Variants in SERPINB9 observed in about 807,000 individuals in gnomAD.
The protein encoded by SERPINB9 is serpin family B member 9.
In SERPINB9, 20 loss-of-function variants were observed where a neutral mutation model predicts 27.2. The observed-to-expected ratio is 0.74, with a 90% CI of 0.52 to 1.07. The LOEUF is 1.07. Among genes scored for constraint, SERPINB9 ranks in the 50% least tolerant of loss-of-function variants. The pLI, the probability that SERPINB9 is intolerant of heterozygous loss-of-function variation, is 0.00. For missense variants in SERPINB9, 476 were observed against 460.1 expected (o/e 1.03, Z -0.32); for synonymous variants, 189 against 180.0 (o/e 1.05, Z -0.40).
chr6:2,902,399 A>G (rs1207544813), intron 1 of SERPINB9, among the ~76,000 whole-genome samples: 1 of 151,832 alleles, frequency 6.6e-6, no homozygotes, highest in Admixed American at 6.6e-5. Context: ...GCAGATTCTC[A>G]GGACCCCATT....
chr6:2,892,784 A>G lies in SERPINB9; in HGVS notation c.567+627T>C, dbSNP rs1358794989. 3.3e-5 allele frequency among the ~76,000 whole-genome samples: 5 copies of G among 152,146 alleles called. No homozygotes were observed. The South Asian group carries it at 6.2e-4, about 19-fold the overall frequency. On this transcript the variant is annotated intron_variant, in intron 5 of 6. Transcript: ENST00000380698. ...TTTTGTTTTTTAATTACATTAAAAT[A>G]GTATCTTTTTAGGGGCTGGAAGATT...
At chr6:2,892,090 T>C in intron 5 of SERPINB9, 102 bp from the exon 6 acceptor site, 1 of 501,400 alleles carries the variant, frequency 2.0e-6, no homozygotes, top group South Asian at 1.8e-5. Flanking sequence ...GCCACATTCA[T>C]GCCCCAGTTA....
At chr6:2,892,615 A>C (rs1767849233) in intron 5 of SERPINB9, among the ~76,000 whole-genome samples, 1 of 152,206 alleles carries the variant, frequency 6.6e-6, no homozygotes, top group African/African-American at 2.4e-5. Flanking sequence ...ATACTTTAAA[A>C]AATTGATACA....
At chr6:2,900,349 C>T (rs1768154593) in intron 2 of SERPINB9, 95 bp downstream of exon 2, 1 of 1,479,920 alleles carries the variant, frequency 6.8e-7, no homozygotes, top group Admixed American at 2.0e-5. Context: ...CAGTCCTGCC[C>T]TCCTTTCTCA....
At chr6:2,893,338 C>T (rs1037905824) in intron 5 of SERPINB9, 73 bp downstream of exon 5, 7 of 1,481,438 alleles carry the variant, frequency 4.7e-6, no homozygotes, top group Non-Finnish European at 4.6e-6. Flanking sequence ...ATGTCACTTA[C>T]ACTTTTACAA....
At chr6:2,893,053 CTTTTTTT>C (rs5873846) in intron 5 of SERPINB9, among the ~76,000 whole-genome samples, 3 of 113,536 alleles carry the variant, frequency 2.6e-5, no homozygotes, top group African/African-American at 6.5e-5. Context: ...TACCTTAACA[CTTTTTTT>C]TTTTTTTTTT....
chr6:2,887,403 C>T lies in SERPINB9; in HGVS notation c.*2760G>A, dbSNP rs906368640. On this transcript the variant is annotated 3_prime_UTR_variant, in exon 7 of 7. Coordinates refer to ENST00000380698, the MANE Select transcript of SERPINB9 (RefSeq NM_004155.6). ...GGCAAAGACATATGTAAAAACGAAG[C>T]AGAAAAGTAGGTGTATGAATGACAA... is the stretch of plus-strand genomic sequence containing the variant. The T allele has an allele frequency of 1.3e-5, 2 of 152,020 alleles. No homozygotes were observed. The highest frequency in any genetic ancestry group is 4.8e-5 in the African/African-American group (2 of 41,372). The allele number at this position is 152,020 out of a possible 1,614,324, so 9.4% of individuals were successfully genotyped here.
In SERPINB9 at chr6:2,894,939, G is replaced by A. The variant is rs1308952099; in HGVS notation, c.424+452C>T. Among the ~76,000 whole-genome samples the A allele has an allele frequency of 7.2e-6, 1 of 138,360 alleles. No homozygotes were observed. The highest frequency in any genetic ancestry group is 2.7e-5 in the African/African-American group (1 of 36,408). 90.8% of individuals were successfully genotyped at this position (138,360 alleles called of 152,430 possible). A position where few individuals can be genotyped will look rare whatever the true frequency, so the allele number is the denominator to read the frequency against. On this transcript the variant is annotated intron_variant, in intron 4 of 6. Transcript: ENST00000380698. The surrounding 1 kb of genome is among the most constrained non-coding windows in gnomAD (Gnocchi z 4.7). ...TTTGTATTTTTAGTAGAGATGTTGG[G>A]CGGGGGGGGGTCCCACCATGTTGGT...
At position 2,891,705 on chromosome 6, in the gene SERPINB9, C is replaced by T; in HGVS notation, c.723+128G>A. The T allele has an allele frequency of 9.1e-7, 1 of 1,093,080 alleles. No homozygotes were observed. Among genetic ancestry groups the T allele is most frequent in the Non-Finnish European group, 1.3e-6 (1 of 787,288 alleles). 67.7% of individuals were successfully genotyped at this position (1,093,080 alleles called of 1,614,324 possible). A position where few individuals can be genotyped will look rare whatever the true frequency, so the allele number is the denominator to read the frequency against. ...GCCTTGAACAAAAGTTCGATCCCAA[C>T]GCCAAGTGCCTGCACAGTGTGCGTC... On this transcript the variant is annotated intron_variant, in intron 6 of 6. Coordinates refer to ENST00000380698, the MANE Select transcript of SERPINB9 (RefSeq NM_004155.6). This position sits in a 1 kb window ranked among gnomAD's most constrained non-coding sequence, Gnocchi z 4.0.
At position 2,902,359 on chromosome 6, in the gene SERPINB9, G is replaced by C. The variant is rs766681407; in HGVS notation, c.-11+842C>G. ...TGCTGGTGGTCCCCACAGACCGCAG[G>C]CTCTGCAGGCGAGCGCTGAGCCTGG... On this transcript the variant is annotated intron_variant, in intron 1 of 6. Coordinates refer to ENST00000380698, the MANE Select transcript of SERPINB9 (RefSeq NM_004155.6). Among the ~76,000 whole-genome samples, 12 of 152,336 alleles carry C rather than the reference G, an allele frequency of 7.9e-5. 1 individual carries two copies. In the Middle Eastern group the frequency reaches 0.01, roughly 130 times the overall value.
rs988492489 is a variant in SERPINB9 at position 2,894,192 on chromosome 6, G to A, written c.425-639C>T. Among the ~76,000 whole-genome samples the A allele has an allele frequency of 1.3e-5, 2 of 152,148 alleles. No individual in the cohort carries two copies. Among genetic ancestry groups the A allele is most frequent in the African/African-American group, 4.8e-5 (2 of 41,420 alleles). ...CCACTGCCTGAAGAGAGCATCCGTG[G>A]TAAATACTCCAAGCAGGAATGCGGG... On this transcript the variant is annotated intron_variant, in intron 4 of 6. Transcript: ENST00000380698. The surrounding 1 kb of genome is among the most constrained non-coding windows in gnomAD (Gnocchi z 4.7).
rs1234747089 is a variant in SERPINB9 at position 2,891,028 on chromosome 6, A to G, written c.724-458T>C. 1.3e-5 allele frequency among the ~76,000 whole-genome samples: 2 copies of G among 152,230 alleles called. No homozygotes were observed. The highest frequency in any genetic ancestry group is 2.9e-5 in the Non-Finnish European group (2 of 68,036). The stretch of plus-strand genomic sequence containing the variant: ...TAGTTTCCGGAGCAGAGAGGTTACC[A>G]GAGGATTATCTGCCCCAGAGAGATT... On this transcript the variant is annotated intron_variant, in intron 6 of 6. Coordinates refer to ENST00000380698, the MANE Select transcript of SERPINB9 (RefSeq NM_004155.6). This position sits in a 1 kb window ranked among gnomAD's most constrained non-coding sequence, Gnocchi z 4.0.
At chr6:2,899,220 C>G (rs530539309) in intron 2 of SERPINB9, among the ~76,000 whole-genome samples, 1 of 152,244 alleles carries the variant, frequency 6.6e-6, no homozygotes, top group East Asian at 1.9e-4. Context: ...GCATAAGGAA[C>G]TTCAGAATCA....
rs138973028 is a variant in SERPINB9 at position 2,890,980 on chromosome 6, T to C, written c.724-410A>G. Reference sequence around the variant, plus strand: ...AGTGTGAGCCACTCCAACAGGATTATCTGTCCCAGGTGAGATTCTGCATAG... The same window carrying C: ...AGTGTGAGCCACTCCAACAGGATTACCTGTCCCAGGTGAGATTCTGCATAG... On this transcript the variant is annotated intron_variant, in intron 6 of 6. Coordinates refer to ENST00000380698, the MANE Select transcript of SERPINB9 (RefSeq NM_004155.6). The surrounding 1 kb of genome is among the most constrained non-coding windows in gnomAD (Gnocchi z 6.2). Among the ~76,000 whole-genome samples, 5 of 152,324 alleles carry C rather than the reference T, an allele frequency of 3.3e-5. No individual in the cohort carries two copies. The East Asian group carries it at 7.7e-4, about 23-fold the overall frequency.
intron 2 of SERPINB9, among the ~76,000 whole-genome samples, chr6:2,898,855 C>T (rs999717167): frequency 4.6e-5 from 7 of 151,790 alleles, no homozygotes; most frequent in African/African-American, 1.2e-4. Context: ...AGATGCTTTA[C>T]ATTATCAAGG....
intron 2 of SERPINB9, among the ~76,000 whole-genome samples, chr6:2,899,482 A>G (rs1768120773): frequency 6.6e-6 from 1 of 152,220 alleles, no homozygotes; most frequent in African/African-American, 2.4e-5. Context: ...CTTTTTGCCA[A>G]AAATAATTAT....
rs1250932337 is a variant in SERPINB9 at position 2,890,036 on chromosome 6, G to A, written c.*127C>T. ...TGAATTCATGCTGGCAAATCATGAGGGCAGACAGGTAAAGAATCTGCCCTC... is the reference window on the plus strand; with the variant it reads ...TGAATTCATGCTGGCAAATCATGAGAGCAGACAGGTAAAGAATCTGCCCTC... On this transcript the variant is annotated 3_prime_UTR_variant, in exon 7 of 7. Transcript: ENST00000380698. The surrounding 1 kb of genome is among the most constrained non-coding windows in gnomAD (Gnocchi z 6.2). 4 of 809,076 alleles carry A rather than the reference G, an allele frequency of 4.9e-6. No individual in the cohort carries two copies. In the South Asian group the frequency reaches 6.0e-5, roughly 12 times the overall value. The allele number at this position is 809,076 out of a possible 1,614,324, so 50.1% of individuals were successfully genotyped here.
intron 4 of SERPINB9, 37 bp downstream of exon 4, chr6:2,895,354 G>A (rs377294835): frequency 8.8e-6 from 12 of 1,368,948 alleles, no homozygotes; most frequent in African/African-American, 8.7e-5. Flanking sequence ...GGAGGAGGAC[G>A]GGTTGGGAGG....
intron 1 of SERPINB9, among the ~76,000 whole-genome samples, chr6:2,901,264 A>G (rs1581202369): frequency 1.3e-5 from 2 of 152,332 alleles, no homozygotes; most frequent in South Asian, 2.1e-4. Context: ...CAGTAACTCC[A>G]TTCAGAGCTC....
Sources: allele counts gnomAD v4.1 joint callset (sites outside exome capture counted in the v4.1 genomes callset), GRCh38; gene constraint gnomAD v4.1.1; non-coding constraint Gnocchi (gnomAD v3.1); transcripts MANE v1.5; gene names NCBI Gene and HGNC (gene_info 2026-07-23, HGNC 2026-07-21).